HMGCLL1: variants seen among roughly 807,000 people sequenced by gnomAD.
HMGCLL1 encodes 3-hydroxy-3-methylglutaryl-CoA lyase like 1.
In HMGCLL1, 36 loss-of-function variants were observed where a neutral mutation model predicts 39.1. That is an observed-to-expected ratio of 0.92 (90% CI 0.71 to 1.22). The LOEUF (loss-of-function observed/expected upper bound fraction) is 1.22. Among genes scored for constraint, HMGCLL1 ranks in the 50% most tolerant of loss-of-function variants. The pLI is 0.00. For synonymous variants in HMGCLL1, 149 were observed against 144.0 expected (o/e 1.03, Z -0.25); for missense variants, 451 against 416.5 (o/e 1.08, Z -0.72).
At chr6:55,473,270 T>C (rs943552851) in intron 7 of HMGCLL1, among the ~76,000 whole-genome samples, 1 of 151,504 alleles carries the variant, frequency 6.6e-6, no homozygotes. Flanking sequence ...GGTGGATTAA[T>C]ATCCACCATA....
chr6:55,548,644 A>G (rs1770130434), intron 1 of HMGCLL1, among the ~76,000 whole-genome samples: 1 of 152,008 alleles, frequency 6.6e-6, no homozygotes, highest in Non-Finnish European at 1.5e-5. Context: ...AAGTAGCTTC[A>G]GCAATAAATG....
chr6:55,590,190 G>C, the HMGCLL1 span, among the ~76,000 whole-genome samples: 1 of 152,066 alleles, frequency 6.6e-6, no homozygotes, highest in South Asian at 2.1e-4. Context: ...GCATGGTACT[G>C]TTACTAAAAC....
chr6:55,476,001 A>G (rs897548137), intron 7 of HMGCLL1, among the ~76,000 whole-genome samples: 6 of 151,554 alleles, frequency 4.0e-5, no homozygotes, highest in African/African-American at 1.5e-4. Context: ...TTATATTAAG[A>G]TTTGTTATCT....
intron 1 of HMGCLL1, among the ~76,000 whole-genome samples, chr6:55,566,841 A>G (rs1771242934): frequency 6.6e-6 from 1 of 152,158 alleles, no homozygotes; most frequent in South Asian, 2.1e-4. Flanking sequence ...AAAAAGAATA[A>G]ATAAGAACTA....
the HMGCLL1 span, among the ~76,000 whole-genome samples, chr6:55,629,972 T>C: frequency 6.6e-6 from 1 of 152,140 alleles, no homozygotes; most frequent in Non-Finnish European, 1.5e-5. Context: ...TGGAAGGAAA[T>C]GTGGGTCAGA....
chr6:55,640,460 G>A, the HMGCLL1 span, among the ~76,000 whole-genome samples: 7 of 151,876 alleles, frequency 4.6e-5, no homozygotes, highest in East Asian at 9.7e-4. Context: ...CTTTTATTAA[G>A]CTATACAACT....
At chr6:55,629,532 C>T in the HMGCLL1 span, among the ~76,000 whole-genome samples, 1 of 152,210 alleles carries the variant, frequency 6.6e-6, no homozygotes, top group African/African-American at 2.4e-5. Flanking sequence ...CATAAATTTG[C>T]CTAAGTAACA....
chr6:55,529,372 C>T (rs1053750164), intron 3 of HMGCLL1, among the ~76,000 whole-genome samples: 1 of 152,048 alleles, frequency 6.6e-6, no homozygotes, highest in African/African-American at 2.4e-5. Flanking sequence ...ACAAAGTTTC[C>T]TTCCTATACT....
At chr6:55,562,699 C>T (rs561648122) in intron 1 of HMGCLL1, among the ~76,000 whole-genome samples, 80 of 152,224 alleles carry the variant, frequency 5.3e-4, no homozygotes, top group Middle Eastern at 3.4e-3. Context: ...GTCACAAGGA[C>T]ACTCAAAGAC....
At chr6:55,596,013 G>GTATCTAC in the HMGCLL1 span, among the ~76,000 whole-genome samples, 1 of 152,250 alleles carries the variant, frequency 6.6e-6, no homozygotes. Context: ...TCTACATTGT[G>GTATCTAC]ATGGCGTTTT....
chr6:55,575,793 C>T lies in HMGCLL1; in HGVS notation c.108+3155G>A, dbSNP rs897877311. Among the ~76,000 whole-genome samples, 9 of 152,204 alleles carry T rather than the reference C, an allele frequency of 5.9e-5. No individual in the cohort carries two copies. The East Asian group carries it at 9.7e-4, about 16-fold the overall frequency. ...AGAGAAAAACAGTAATAATATTCAT[C>T]GATTGGTGCTAAGATCAAACTCTAT... On this transcript the variant is annotated intron_variant, in intron 1 of 8. Coordinates refer to ENST00000274901, the MANE Select transcript of HMGCLL1 (RefSeq NM_001042406.2).
At chr6:55,650,112 T>TATATATATATATATATACACACATATAC in the HMGCLL1 span, among the ~76,000 whole-genome samples, 1 of 76,842 alleles carries the variant, frequency 1.3e-5, no homozygotes, top group South Asian at 4.5e-4. Flanking sequence ...TATATATATA[T>TATATATATATATATATACACACATATAC]ATATATATAT....
intron 3 of HMGCLL1, among the ~76,000 whole-genome samples, chr6:55,538,900 G>C (rs1769182021): frequency 6.6e-6 from 1 of 151,944 alleles, no homozygotes. Context: ...AGTTTCTTTT[G>C]AGGATAAATA....
the HMGCLL1 span, among the ~76,000 whole-genome samples, chr6:55,667,021 G>T: frequency 2.7e-5 from 4 of 150,206 alleles, no homozygotes; most frequent in African/African-American, 9.8e-5. Flanking sequence ...ATTGACCTTT[G>T]CCCGGCCTTC....
intron 7 of HMGCLL1, among the ~76,000 whole-genome samples, chr6:55,466,161 A>G (rs1764790366): frequency 6.6e-6 from 1 of 152,110 alleles, no homozygotes. Flanking sequence ...TGGGGCAGGA[A>G]TCTGAGCAAG....
At chr6:55,651,758 A>G in the HMGCLL1 span, among the ~76,000 whole-genome samples, 3 of 152,036 alleles carry the variant, frequency 2.0e-5, no homozygotes, top group Non-Finnish European at 1.5e-5. Flanking sequence ...AAGAAACCCA[A>G]GTTACCACTA....
the HMGCLL1 span, among the ~76,000 whole-genome samples, chr6:55,605,770 T>C: frequency 1.4e-4 from 22 of 152,302 alleles, no homozygotes; most frequent in Non-Finnish European, 2.4e-4. Context: ...TACCACTGCA[T>C]CAACTCTCTA....
At chr6:55,524,463 T>TAAAAAAAA (rs376524274) in intron 3 of HMGCLL1, among the ~76,000 whole-genome samples, 2 of 134,538 alleles carry the variant, frequency 1.5e-5, no homozygotes, top group Admixed American at 7.7e-5. Context: ...TTATAGTCTT[T>TAAAAAAAA]AAAAAAAAAA....
intron 1 of HMGCLL1, among the ~76,000 whole-genome samples, chr6:55,577,344 T>TAAA (rs35853188): frequency 4.1e-5 from 6 of 146,106 alleles, no homozygotes; most frequent in Admixed American, 2.7e-4. Context: ...AGGGCTGGAC[T>TAAA]AAAAAAAAAA....
Sources: gnomAD v4.1 joint callset for allele counts (sites outside exome capture counted in the v4.1 genomes callset) on GRCh38, gnomAD v4.1.1 for gene constraint, MANE v1.5 for transcripts, NCBI Gene and HGNC (gene_info 2026-07-23, HGNC 2026-07-21) for gene names.